Variants in MAPK14 observed in about 807,000 individuals in gnomAD.
MAPK14 encodes CSAID-binding protein.
In MAPK14, 16 loss-of-function variants were observed where a neutral mutation model predicts 49.6. The ratio of observed to expected loss-of-function variants is 0.32; its 90% CI spans 0.22 to 0.49. MAPK14 has a LOEUF of 0.49. MAPK14 is among the 20% of genes least tolerant of loss of function. MAPK14 has a pLI of 0.99. For missense variants in MAPK14, 200 were observed against 441.2 expected (o/e 0.45, Z 4.90); for synonymous variants, 142 against 158.0 (o/e 0.90, Z 0.76).
chr6:36,060,878 T>C (rs1763793025), intron 3 of MAPK14, among the ~76,000 whole-genome samples: 1 of 152,224 alleles, frequency 6.6e-6, no homozygotes, highest in South Asian at 2.1e-4. Context: ...CAAGATCTCC[T>C]TGGCTACATT....
intron 3 of MAPK14, among the ~76,000 whole-genome samples, chr6:36,064,618 T>C (rs1195641210): frequency 6.6e-6 from 1 of 152,226 alleles, no homozygotes; most frequent in Non-Finnish European, 1.5e-5. Flanking sequence ...TTACTAACAA[T>C]GATTGCTCAA....
At chr6:36,116,800 C>T in the MAPK14 span, among the ~76,000 whole-genome samples, 1 of 152,114 alleles carries the variant, frequency 6.6e-6, no homozygotes, top group Non-Finnish European at 1.5e-5. Context: ...CCTTACCTCC[C>T]TACTAAAAAG....
At chr6:36,102,781 G>A in intron 10 of MAPK14, 132 bp downstream of exon 10, 1 of 1,490,366 alleles carries the variant, frequency 6.7e-7, no homozygotes, top group Non-Finnish European at 9.0e-7. Context: ...GATAAATACG[G>A]CTTTTATTAT....
chr6:36,071,816 T>C (rs1444950180), intron 3 of MAPK14, among the ~76,000 whole-genome samples: 2 of 152,204 alleles, frequency 1.3e-5, no homozygotes, highest in African/African-American at 4.8e-5. Context: ...GTAAGAAAAC[T>C]GATACTGACA....
intron 1 of MAPK14, among the ~76,000 whole-genome samples, chr6:36,036,270 A>AG (rs1426569516): frequency 1.3e-5 from 2 of 151,862 alleles, no homozygotes; most frequent in Non-Finnish European, 2.9e-5. Flanking sequence ...AAAAAAAAAA[A>AG]AAATCAATAG....
intron 8 of MAPK14, chr6:36,092,334 T>C: frequency 1.6e-6 from 1 of 626,194 alleles, no homozygotes; most frequent in Non-Finnish European, 3.1e-6. Context: ...CAGCTGCTCC[T>C]GGGGTTTCAC....
chr6:36,123,729 G>GATT, the MAPK14 span, among the ~76,000 whole-genome samples: 1 of 152,200 alleles, frequency 6.6e-6, no homozygotes, highest in Non-Finnish European at 1.5e-5. Context: ...AGACAATGCA[G>GATT]ATTAATATTA....
chr6:36,071,281 C>T lies in MAPK14; in HGVS notation c.306-1592C>T, dbSNP rs138138898. Among the ~76,000 whole-genome samples, 431 of 151,582 alleles carry T rather than the reference C, an allele frequency of 2.8e-3. 5 individuals carry two copies. Among genetic ancestry groups the T allele is most frequent in the African/African-American group, 9.8e-3 (404 of 41,266 alleles). On this transcript the variant is annotated intron_variant, in intron 3 of 11. Coordinates refer to ENST00000229794, the MANE Select transcript of MAPK14 (RefSeq NM_139012.3). The stretch of plus-strand genomic sequence containing the variant: ...CCAGGAGGTGGAGGTTGCAGTGAGC[C>T]GAGCTTGTGCCACTGCACTCCAGCC...
At chr6:36,104,103 C>A (rs1181799007) in intron 10 of MAPK14, among the ~76,000 whole-genome samples, 1 of 152,154 alleles carries the variant, frequency 6.6e-6, no homozygotes, top group Non-Finnish European at 1.5e-5. Context: ...GAGATACTCA[C>A]GCTCTTTGAA....
At chr6:36,123,737 T>A in the MAPK14 span, among the ~76,000 whole-genome samples, 2 of 152,088 alleles carry the variant, frequency 1.3e-5, no homozygotes, top group African/African-American at 2.4e-5. Flanking sequence ...CAGATTAATA[T>A]TATGCTGAAT....
intron 2 of MAPK14, among the ~76,000 whole-genome samples, chr6:36,058,771 G>A (rs1411336451): frequency 2.0e-5 from 3 of 152,008 alleles, no homozygotes; most frequent in Non-Finnish European, 2.9e-5. Context: ...GTGGTGGCAC[G>A]TGCTTATAGT....
Position 36,052,766 on chromosome 6 carries a change from A to G in MAPK14, c.184A>G (p.Ile62Val). Reference sequence around the variant, plus strand: ...GAAGCTCTCCAGACCATTTCAGTCCATCATTCATGCGAAAAGAACCTACAG... The same window carrying G: ...GAAGCTCTCCAGACCATTTCAGTCCGTCATTCATGCGAAAAGAACCTACAG... ...VKKLSRPFQSIIHAKRTYREL... is the reference protein window; with the variant it reads ...VKKLSRPFQSVIHAKRTYREL... The change falls in exon 2 of 12, where the codon ATC becomes GTC. Residue 62 changes from isoleucine to valine, a missense_variant. Ile to Val is a conservative substitution (Grantham distance 29, BLOSUM62 3). Coordinates refer to ENST00000229794, the MANE Select transcript of MAPK14 (RefSeq NM_139012.3). The G allele has an allele frequency of 1.2e-6, 2 of 1,612,820 alleles. No individual in the cohort carries two copies. Among genetic ancestry groups the G allele is most frequent in the East Asian group, 2.2e-5 (1 of 44,788 alleles).
chr6:36,093,672 TC>T (rs1765332842), intron 8 of MAPK14, among the ~76,000 whole-genome samples: 1 of 131,566 alleles, frequency 7.6e-6, no homozygotes, highest in African/African-American at 3.0e-5. Flanking sequence ...TGAGCCGAGA[TC>T]GCGCCACTGC....
chr6:36,033,374 T>A (rs948675772), intron 1 of MAPK14, among the ~76,000 whole-genome samples: 1 of 151,470 alleles, frequency 6.6e-6, no homozygotes, highest in South Asian at 2.1e-4. Flanking sequence ...TGGGGCGCAG[T>A]GGTGCAATCT....
chr6:36,066,053 G>A (rs78631073), intron 3 of MAPK14, among the ~76,000 whole-genome samples: 13,211 of 152,122 alleles, frequency 0.087, 704 homozygotes, highest in Middle Eastern at 0.12. Context: ...TGGGTGAGCA[G>A]TTCTATAAAA....
intron 8 of MAPK14, among the ~76,000 whole-genome samples, chr6:36,081,540 A>G (rs1445479317): frequency 6.6e-6 from 1 of 152,128 alleles, no homozygotes; most frequent in Non-Finnish European, 1.5e-5. Flanking sequence ...TGGTATATAT[A>G]ATTAGCAATA....
intron 3 of MAPK14, among the ~76,000 whole-genome samples, chr6:36,070,018 T>G (rs913470449): frequency 2.6e-5 from 4 of 152,228 alleles, no homozygotes; most frequent in African/African-American, 9.6e-5. Flanking sequence ...TGACCGAAAT[T>G]AGATTCTGTC....
chr6:36,102,659 C>A lies in MAPK14; in HGVS notation c.841+10C>A. The A allele has an allele frequency of 6.2e-7, 1 of 1,612,796 alleles. No homozygotes were observed. Among genetic ancestry groups the A allele is most frequent in the South Asian group, 1.1e-5 (1 of 91,028 alleles). ...GGTGCCAATCCCCTGGGTAAGTTGA[C>A]CATATATCCTCACCTCATGGATATT... is the stretch of plus-strand genomic sequence containing the variant. On this transcript the variant is annotated intron_variant, in intron 10 of 11. Transcript: ENST00000229794.
At chr6:36,045,387 T>C (rs1431446654) in intron 1 of MAPK14, among the ~76,000 whole-genome samples, 1 of 152,184 alleles carries the variant, frequency 6.6e-6, no homozygotes, top group East Asian at 1.9e-4. Flanking sequence ...TCTTCAGCTC[T>C]CCTGAGTACC....
Sources: allele counts gnomAD v4.1 joint callset (sites outside exome capture counted in the v4.1 genomes callset), GRCh38; gene constraint gnomAD v4.1.1; transcripts MANE v1.5; gene names NCBI Gene and HGNC (gene_info 2026-07-23, HGNC 2026-07-21).